Variants in AFDN observed in about 807,000 individuals in gnomAD.
AFDN encodes the protein afadin, adherens junction formation factor, also known as afadin.
AFDN carries 68 observed loss-of-function variants against 216.6 expected under a neutral mutation model. The ratio of observed to expected loss-of-function variants is 0.31; its 90% CI spans 0.26 to 0.38. The LOEUF is 0.38. Ranked by LOEUF, AFDN falls within the 10% of genes least tolerant of loss-of-function variation. The pLI, the probability that AFDN is intolerant of heterozygous loss-of-function variation, is 1.00. For missense variants in AFDN, 2,136 were observed against 2,342.0 expected (o/e 0.91, Z 1.82); for synonymous variants, 868 against 853.7 (o/e 1.02, Z -0.29).
chr6:167,913,403 G>GA lies in AFDN; in HGVS notation c.2040dup (p.Val681SerfsTer5). The GA allele has an allele frequency of 6.5e-7, 1 of 1,535,744 alleles. No homozygotes were observed. Among genetic ancestry groups the GA allele is most frequent in the East Asian group, 2.4e-5 (1 of 40,898 alleles). On this transcript the variant is annotated frameshift_variant and splice_region_variant, in exon 16 of 34. Transcript: ENST00000683244. LOFTEE classifies it high-confidence loss of function. ...TTTCCCCTCGTCTGTTTTTCTCCAG[G>GA]AAGTAGACCAGGTTGACCAGGTAGG...
intron 19 of AFDN, among the ~76,000 whole-genome samples, chr6:167,916,375 G>T (rs1014530006): frequency 2.6e-5 from 4 of 152,170 alleles, no homozygotes; most frequent in African/African-American, 9.7e-5. Context: ...ATTTTTAGGG[G>T]ACACAGTTTA....
In AFDN at chr6:167,879,361, A is replaced by T. The variant is rs374433767; in HGVS notation, c.740-999A>T. Among the ~76,000 whole-genome samples the T allele has an allele frequency of 5.3e-5, 8 of 152,362 alleles. No individual in the cohort carries two copies. The South Asian group carries it at 1.2e-3, about 24-fold the overall frequency. On this transcript the variant is annotated intron_variant, in intron 5 of 33. Coordinates refer to ENST00000683244, the MANE Select transcript of AFDN (RefSeq NM_001386888.1). ...AATATTCAGTAACTGAAATAACTGC[A>T]TTAGAATTAAAAAGTAATAGAATCA...
chr6:167,854,294 C>T (rs930155451), intron 1 of AFDN, among the ~76,000 whole-genome samples: 5 of 151,784 alleles, frequency 3.3e-5, no homozygotes, highest in African/African-American at 9.7e-5. Flanking sequence ...GTTATTGGTT[C>T]GTTCTTCACA....
chr6:167,942,502 G>A (rs914072974), intron 23 of AFDN, among the ~76,000 whole-genome samples: 5 of 152,100 alleles, frequency 3.3e-5, no homozygotes, highest in African/African-American at 4.8e-5. Flanking sequence ...TAGTATAGTC[G>A]TGGTATCCAA....
chr6:167,918,917 C>A lies in AFDN; in HGVS notation c.2892C>A (p.Asp964Glu), dbSNP rs755070922. 1.2e-6 allele frequency: 2 copies of A among 1,613,816 alleles called. No individual in the cohort carries two copies. The highest frequency in any genetic ancestry group is 1.7e-5 in the Admixed American group (1 of 60,004). ...NIPNGLQEFL[D>E]PLCQRGFCRL... ...CAAATGGTTTACAAGAATTTTTAGA[C>A]CCTCTGTGCCAGAGAGGTAAATTAG... The change falls in exon 21 of 34, where the codon GAC becomes GAA. Residue 964 changes from aspartate (D) to glutamate (E), a missense_variant. Asp to Glu is a conservative substitution (Grantham distance 45). Around this residue, in one of 8 missense-constraint regions of AFDN, gnomAD observed 162 missense variants for 182.6 expected, o/e 0.89. Transcript: ENST00000683244.
chr6:167,942,066 TTTTGGTTTGGTTTGG>T (rs57273828), intron 23 of AFDN, among the ~76,000 whole-genome samples: 1 of 151,794 alleles, frequency 6.6e-6, no homozygotes, highest in Non-Finnish European at 1.5e-5. Flanking sequence ...AGGCGTTTTG[TTTTGGTTTGGTTTGG>T]TTTGGTTTGG....
intron 30 of AFDN, among the ~76,000 whole-genome samples, chr6:167,959,448 A>G (rs1796835593): frequency 1.3e-5 from 2 of 152,218 alleles, no homozygotes; most frequent in Admixed American, 6.5e-5. Flanking sequence ...CTCCGATTCA[A>G]TCATTAATTT....
intron 22 of AFDN, 21 bp from the exon 23 acceptor site, chr6:167,924,984 A>G (rs767714175): frequency 2.0e-4 from 305 of 1,560,250 alleles, no homozygotes; most frequent in Middle Eastern, 1.2e-3. Context: ...CATAAAATAA[A>G]CCTTTGTTTT....
chr6:167,840,659 T>A (rs146608633), intron 1 of AFDN, among the ~76,000 whole-genome samples: 2 of 152,228 alleles, frequency 1.3e-5, no homozygotes, highest in Non-Finnish European at 2.9e-5. Context: ...ATGTTGTGAC[T>A]GAGAAGAGTA....
At chr6:167,915,667 C>A (rs1411585108) in intron 19 of AFDN, among the ~76,000 whole-genome samples, 2 of 152,062 alleles carry the variant, frequency 1.3e-5, no homozygotes, top group Non-Finnish European at 2.9e-5. Flanking sequence ...GTACTTAAGC[C>A]TGAATAAATC....
rs1203055312 is a variant in AFDN at position 167,914,768 on chromosome 6, A to G, written c.2299+30A>G. ...GGATGTTTTCTGACTGTCTCCCTCT[A>G]TCCCGCTTCCTTCACGTTTAGCATC... On this transcript the variant is annotated intron_variant, in intron 18 of 33. Coordinates refer to ENST00000683244, the MANE Select transcript of AFDN (RefSeq NM_001386888.1). 22 of 1,457,094 alleles carry G rather than the reference A, an allele frequency of 1.5e-5. No homozygotes were observed. The East Asian group carries it at 4.8e-4, about 32-fold the overall frequency. The allele number at this position is 1,457,094 out of a possible 1,614,324, so 90.3% of individuals were successfully genotyped here.
chr6:167,843,080 A>G (rs183826979), intron 1 of AFDN, among the ~76,000 whole-genome samples: 1 of 152,326 alleles, frequency 6.6e-6, no homozygotes, highest in East Asian at 1.9e-4. Context: ...GTAGGAATCA[A>G]GTGCACTTGG....
At position 167,943,537 on chromosome 6, in the gene AFDN, A is replaced by C. The variant is rs1794934782; in HGVS notation, c.3239+62A>C. 1.1e-5 allele frequency: 15 copies of C among 1,347,554 alleles called. 1 individual carries two copies. In the South Asian group the frequency reaches 1.8e-4, roughly 16 times the overall value. The allele number at this position is 1,347,554 out of a possible 1,614,324, so 83.5% of individuals were successfully genotyped here. A position where few individuals can be genotyped will look rare whatever the true frequency, so the allele number is the denominator to read the frequency against. Reference sequence around the variant, plus strand: ...CATTTTTAGGTGATTTTTGCATTAAATGTTGAAATTGGAAGATAAAAACTA... The same window carrying C: ...CATTTTTAGGTGATTTTTGCATTAACTGTTGAAATTGGAAGATAAAAACTA... On this transcript the variant is annotated intron_variant, in intron 25 of 33. Coordinates refer to ENST00000683244, the MANE Select transcript of AFDN (RefSeq NM_001386888.1).
At chr6:167,863,216 G>C (rs1208156133) in intron 1 of AFDN, among the ~76,000 whole-genome samples, 1 of 152,222 alleles carries the variant, frequency 6.6e-6, no homozygotes, top group Non-Finnish European at 1.5e-5. Flanking sequence ...GATCAGACAT[G>C]CTGAAGTGTA....
intron 9 of AFDN, among the ~76,000 whole-genome samples, chr6:167,894,582 C>T (rs999859573): frequency 6.6e-6 from 1 of 152,152 alleles, no homozygotes; most frequent in Non-Finnish European, 1.5e-5. Context: ...CCACTGAATC[C>T]TGTGGCCACC....
At chr6:167,880,782 A>G (rs1177141937) in intron 6 of AFDN, among the ~76,000 whole-genome samples, 1 of 152,164 alleles carries the variant, frequency 6.6e-6, no homozygotes, top group East Asian at 1.9e-4. Context: ...GACCACATAT[A>G]CTTGTGGTTC....
intron 6 of AFDN, among the ~76,000 whole-genome samples, chr6:167,881,684 G>T (rs142051813): frequency 4.6e-5 from 7 of 152,332 alleles, no homozygotes; most frequent in African/African-American, 1.7e-4. Context: ...CTGAAGGCTA[G>T]AGTAAAACTG....
At position 167,951,299 on chromosome 6, in the gene AFDN, G is replaced by A; in HGVS notation, c.3945G>A (p.Gln1315=). Residue 1315 remains glutamine (Q), a synonymous_variant, in exon 30 of 34, where the codon CAG becomes CAA. Transcript: ENST00000683244. This position sits in a 1 kb window ranked among gnomAD's most constrained non-coding sequence, Gnocchi z 7.1. ...CTGATAGTGATATGTGGATAAATCA[G>A]AGCTCCTCACTGGACTCCAGTACCT... The part of the protein sequence containing the change: ...RKSDSDMWIN[Q]SSSLDSSTSS... 1.2e-6 allele frequency: 2 copies of A among 1,614,200 alleles called. No individual in the cohort carries two copies. The highest frequency in any genetic ancestry group is 1.7e-6 in the Non-Finnish European group (2 of 1,180,036).
chr6:167,909,829 T>TA (rs2128447994), intron 13 of AFDN, among the ~76,000 whole-genome samples: 1 of 152,374 alleles, frequency 6.6e-6, no homozygotes, highest in East Asian at 1.9e-4. Flanking sequence ...CCCTGGCTCT[T>TA]ACTGTCAATT....
Sources: allele counts gnomAD v4.1 joint callset (sites outside exome capture counted in the v4.1 genomes callset), GRCh38; gene constraint gnomAD v4.1.1; regional missense constraint gnomAD v4.1.1; non-coding constraint Gnocchi (gnomAD v3.1); transcripts MANE v1.5; gene names NCBI Gene and HGNC (gene_info 2026-07-23, HGNC 2026-07-21).